The following SLX4 variants were observed in gnomAD, a reference collection of about 807,000 sequenced individuals.
SLX4 encodes the protein structure-specific endonuclease subunit SLX4.
SLX4 carries 112 observed loss-of-function variants against 146.2 expected under a neutral mutation model. The observed-to-expected ratio is 0.77, with a 90% confidence interval of 0.66 to 0.90. The LOEUF (loss-of-function observed/expected upper bound fraction) is 0.90. Among genes scored for constraint, SLX4 ranks in the 40% least tolerant of loss-of-function variants. The pLI, the probability that SLX4 is intolerant of heterozygous loss-of-function variation, is 0.00. For synonymous variants in SLX4, 1,061 were observed against 997.7 expected (o/e 1.06, Z -1.20); for missense variants, 2,563 against 2,392.7 (o/e 1.07, Z -1.49).
At chr16:3,596,069 G>T in intron 8 of SLX4, 84 bp downstream of exon 8, 2 of 1,496,080 alleles carry the variant, frequency 1.3e-6, no homozygotes, top group Non-Finnish European at 1.8e-6. Flanking sequence ...GGCGGCACAA[G>T]AGCCAGTCCA....
rs150784798 is a variant in SLX4, at chr16:3,591,498, C to T, written c.2328-188G>A. The stretch of plus-strand genomic sequence containing the variant: ...ACCCAGGCCACTTAGTTCCAGAAAC[C>T]GGGGACTGACAACACTTAAAGCAGG... On this transcript the variant is annotated intron_variant, in intron 11 of 14. Coordinates refer to ENST00000294008, the MANE Select transcript of SLX4 (RefSeq NM_032444.4). Among the ~76,000 whole-genome samples, 332 of 152,272 alleles carry T rather than the reference C, an allele frequency of 2.2e-3. 2 individuals are homozygous for T. Among genetic ancestry groups the T allele is most frequent in the East Asian group, 0.01 (52 of 5,172 alleles).
At position 3,592,781 on chromosome 16, in the gene SLX4, G is replaced by T; in HGVS notation, c.2245C>A (p.Arg749Ser). The change falls in exon 11 of 15, where the codon CGC (arginine) becomes AGC (serine). Residue 749 changes from arginine to serine, a missense_variant. Arg to Ser is a moderately radical substitution (Grantham distance 110). Transcript: ENST00000294008. The part of the protein sequence containing the change: ...LLGDVSTEAA[R>S]TFLHYLYTAD... ...GTGTAGAGATAGTGCAGGAACGTGC[G>T]GGCGGCCTCGGTGCTCACGTCACCC... The T allele has an allele frequency of 6.2e-7, 1 of 1,612,754 alleles. No individual in the cohort carries two copies. The highest frequency in any genetic ancestry group is 8.5e-7 in the Non-Finnish European group (1 of 1,180,006).
At chr16:3,592,113 C>A (rs2040600582) in intron 11 of SLX4, among the ~76,000 whole-genome samples, 1 of 152,246 alleles carries the variant, frequency 6.6e-6, no homozygotes, top group African/African-American at 2.4e-5. Context: ...CTCTGTGGCC[C>A]GTCAGTATAT....
rs768122851 is a variant in SLX4, at chr16:3,583,080, C to T, written c.5153+17G>A. 6.5e-5 allele frequency: 105 copies of T among 1,614,078 alleles called. No individual in the cohort carries two copies. In the East Asian group the frequency reaches 1.8e-3, roughly 27 times the overall value. On this transcript the variant is annotated intron_variant, in intron 14 of 14. Coordinates refer to ENST00000294008, the MANE Select transcript of SLX4 (RefSeq NM_032444.4). ...GGATACATGAGGCCACTGACCCCAT[C>T]GCATCCATCCGGTTACCTCTGTGAG...
intron 13 of SLX4, 96 bp downstream of exon 13, chr16:3,584,673 C>G (rs1480555188): frequency 2.1e-6 from 2 of 962,454 alleles, no homozygotes; most frequent in Non-Finnish European, 3.4e-6. Flanking sequence ...ACCCAGAGAC[C>G]ACACGGGGGG....
Position 3,582,478 on chromosome 16 carries a change from AG to A in SLX4, c.5368del (p.Leu1790SerfsTer93). 6.2e-7 allele frequency: 1 copy of A among 1,614,038 alleles called. No individual in the cohort carries two copies. Among genetic ancestry groups the A allele is most frequent in the South Asian group, 1.1e-5 (1 of 91,084 alleles). On this transcript the variant is annotated frameshift_variant, in exon 15 of 15. Transcript: ENST00000294008. LOFTEE classifies it low-confidence loss of function (END_TRUNC). The part of the protein sequence containing the change: ...ELQAELRQNG[L>X]RVSSRRLLDF... ...CAACAGCCTGCGCGAGGACACACGG[AG>A]GCCGTTCTGCCTCAGCTCTGCCTGC...
intron 12 of SLX4, 38 bp from the exon 13 acceptor site, chr16:3,584,909 G>A: frequency 7.1e-7 from 1 of 1,412,284 alleles, no homozygotes; most frequent in Non-Finnish European, 1.0e-6. Flanking sequence ...TTAGCATGAG[G>A]GACACGGATT....
rs1239664618 is a variant in SLX4 at position 3,582,683 on chromosome 16, A to G, written c.5164T>C (p.Cys1722Arg). Residue 1722 changes from cysteine to arginine, a missense_variant, in exon 15 of 15, where the codon TGT becomes CGT. Transcript: ENST00000294008. ...GACTCAAATGCCGCTCCAAACTCAC[A>G]GGAGGAAGAACTGAAAAGAGCCAGA... Reference protein sequence around the residue: ...SSLSSQSSSSCEFGAAFESAG... With the variant: ...SSLSSQSSSSREFGAAFESAG... 2 of 1,611,982 alleles carry G rather than the reference A, an allele frequency of 1.2e-6. No homozygotes were observed. Among genetic ancestry groups the G allele is most frequent in the Non-Finnish European group, 8.5e-7 (1 of 1,179,932 alleles).
chr16:3,582,510 C>T lies in SLX4; in HGVS notation c.5337G>A (p.Arg1779=), dbSNP rs531251083. 4.3e-6 allele frequency: 7 copies of T among 1,614,078 alleles called. No homozygotes were observed. The South Asian group carries it at 4.4e-5, about 10-fold the overall frequency. ...TCTGCCTCAGCTCTGCCTGCAGCTCCCGCAGCTCAAAGGGCTGGTACAGCA... is the reference window on the plus strand; with the variant it reads ...TCTGCCTCAGCTCTGCCTGCAGCTCTCGCAGCTCAAAGGGCTGGTACAGCA... ...KVLLYQPFEL[R]ELQAELRQNG... The change falls in exon 15 of 15, where the codon CGG becomes CGA. Residue 1779 remains arginine, a synonymous_variant. Coordinates refer to ENST00000294008, the MANE Select transcript of SLX4 (RefSeq NM_032444.4).
At chr16:3,601,964 A>T (rs1442112664) in intron 4 of SLX4, 154 bp downstream of exon 4, 1 of 802,310 alleles carries the variant, frequency 1.2e-6, no homozygotes, top group East Asian at 2.7e-5. Flanking sequence ...TGTGAATTGT[A>T]TCTCAACGAA....
rs577770118 is a variant in SLX4 at position 3,582,444 on chromosome 16, C to G, written c.5403G>C (p.Leu1801=). The G allele has an allele frequency of 3.5e-5, 56 of 1,613,946 alleles. No homozygotes were observed. In the African/African-American group the frequency reaches 6.9e-4, roughly 20 times the overall value. ...RVSSRRLLDF[L]DTHCITFTTA... is the part of the protein sequence containing the mutation. Reference sequence around the variant, plus strand: ...TGGTGAAGGTGATACAGTGGGTGTCCAGGAAGTCCAACAGCCTGCGCGAGG... The same window carrying G: ...TGGTGAAGGTGATACAGTGGGTGTCGAGGAAGTCCAACAGCCTGCGCGAGG... Residue 1801 remains leucine, a synonymous_variant, in exon 15 of 15, where the codon CTG becomes CTC. Transcript: ENST00000294008.
At position 3,606,563 on chromosome 16, in the gene SLX4, A is replaced by G; in HGVS notation, c.671T>C (p.Leu224Ser). ...QQFKRADPER[L>S]RHASEECSLE... is the part of the protein sequence containing the mutation. ...GGAGCACTCTTCTGAAGCGTGTCTC[A>G]AACGCTCGGGGTCTGCTCTCTTGAA... The change falls in exon 3 of 15, where the codon TTG (leucine) becomes TCG (serine). Residue 224 changes from leucine (L) to serine (S), a missense_variant. Coordinates refer to ENST00000294008, the MANE Select transcript of SLX4 (RefSeq NM_032444.4). The G allele has an allele frequency of 1.2e-6, 2 of 1,614,156 alleles. No homozygotes were observed. Among genetic ancestry groups the G allele is most frequent in the Non-Finnish European group, 1.7e-6 (2 of 1,180,028 alleles).
At chr16:3,598,431 G>A (rs550823711) in intron 5 of SLX4, among the ~76,000 whole-genome samples, 1 of 152,312 alleles carries the variant, frequency 6.6e-6, no homozygotes, top group Non-Finnish European at 1.5e-5. Context: ...CTCCTGCAAG[G>A]GCTCCACGGC....
chr16:3,589,917 G>A lies in SLX4; in HGVS notation c.3721C>T (p.Arg1241Cys), dbSNP rs771835799. 1.1e-5 allele frequency: 17 copies of A among 1,613,758 alleles called. No homozygotes were observed. The highest frequency in any genetic ancestry group is 1.4e-5 in the Non-Finnish European group (16 of 1,179,978). ...RRGAPWLFCD[R>C]ESSPSEASTT... is the part of the protein sequence containing the mutation. ...CTGGCCTCGCTGGGGCTGCTCTCACGGTCACAGAACAGCCAGGGAGCCCCT... is the reference window on the plus strand; with the variant it reads ...CTGGCCTCGCTGGGGCTGCTCTCACAGTCACAGAACAGCCAGGGAGCCCCT... Residue 1241 changes from arginine to cysteine, a missense_variant, in exon 12 of 15, where the codon CGT (arginine) becomes TGT (cysteine). Transcript: ENST00000294008. The surrounding 1 kb of genome is among the most constrained non-coding windows in gnomAD (Gnocchi z 6.2).
At chr16:3,582,996 GT>G in intron 14 of SLX4, 100 bp downstream of exon 14, 2 of 1,473,500 alleles carry the variant, frequency 1.4e-6, no homozygotes, top group Non-Finnish European at 1.9e-6. Context: ...GGTGACGGGG[GT>G]TTTTGAAGAT....
In SLX4 at chr16:3,594,532, T is replaced by C. The variant is rs1311245623; in HGVS notation, c.2081A>G (p.Gln694Arg). ...MVNNPHLSDV[Q>R]FQTDSGEVLY... ...CACCTCCCCGCTGTCCGTCTGAAAC[T>C]GGACATCACTCAGGTGTGGGTTATT... Residue 694 changes from glutamine to arginine, a missense_variant, in exon 10 of 15, where the codon CAG becomes CGG. Coordinates refer to ENST00000294008, the MANE Select transcript of SLX4 (RefSeq NM_032444.4). 1 of 1,614,112 alleles carries C rather than the reference T, an allele frequency of 6.2e-7. No individual in the cohort carries two copies. The highest frequency in any genetic ancestry group is 1.7e-5 in the Admixed American group (1 of 60,012).
Position 3,589,644 on chromosome 16 carries a change from T to G in SLX4, c.3994A>C (p.Thr1332Pro), listed in dbSNP as rs566767778. The change falls in exon 12 of 15, where the codon ACT (threonine) becomes CCT (proline). Residue 1332 changes from threonine to proline, a missense_variant. Coordinates refer to ENST00000294008, the MANE Select transcript of SLX4 (RefSeq NM_032444.4). The surrounding 1 kb of genome is among the most constrained non-coding windows in gnomAD (Gnocchi z 6.2). ...TGGCCTTGCCTTCTGCCGTCAGAAGTTCCTGGAGAGACGGGAGTGAGGCAT... is the reference window on the plus strand; with the variant it reads ...TGGCCTTGCCTTCTGCCGTCAGAAGGTCCTGGAGAGACGGGAGTGAGGCAT... ...SSCLTPVSPGTSDGRRQGHRS... is the reference protein window; with the variant it reads ...SSCLTPVSPGPSDGRRQGHRS... The G allele has an allele frequency of 3.1e-6, 5 of 1,613,846 alleles. No homozygotes were observed. The highest frequency in any genetic ancestry group is 4.2e-6 in the Non-Finnish European group (5 of 1,179,976).
intron 2 of SLX4, among the ~76,000 whole-genome samples, chr16:3,606,930 G>A (rs1190544810): frequency 2.0e-5 from 3 of 152,144 alleles, no homozygotes; most frequent in African/African-American, 7.2e-5. Context: ...AATGAGCATG[G>A]GGTTTATTTT....
chr16:3,601,337 C>A, intron 4 of SLX4, 146 bp from the exon 5 acceptor site: 2 of 786,784 alleles, frequency 2.5e-6, no homozygotes, highest in Non-Finnish European at 4.3e-6. Context: ...CTCCGTCTCC[C>A]GGCAGTCAGC....
Sources: gnomAD v4.1 joint callset for allele counts (sites outside exome capture counted in the v4.1 genomes callset) on GRCh38, gnomAD v4.1.1 for gene constraint, Gnocchi (gnomAD v3.1) non-coding constraint, MANE v1.5 for transcripts, NCBI Gene and HGNC (gene_info 2026-07-23, HGNC 2026-07-21) for gene names.